The following THRB variants were observed in gnomAD, a reference collection of about 807,000 sequenced individuals.
THRB encodes the protein thyroid hormone receptor beta, also known as nuclear receptor subfamily 1 group A member 2.
A neutral mutation model predicts 47.8 loss-of-function variants in THRB; 12 were observed. The ratio of observed to expected loss-of-function variants is 0.25; its 90% CI spans 0.16 to 0.41. The LOEUF is 0.41. Ranked by LOEUF, THRB falls within the 10% of genes least tolerant of loss-of-function variation. The probability of loss-of-function intolerance (pLI) is 1.00; values close to 1 mark genes in which losing one functional copy is unlikely to be tolerated. For missense variants in THRB, 348 were observed against 589.2 expected, an observed-to-expected ratio of 0.59 and a Z score of 4.24; for synonymous variants, 218 against 212.2, an observed-to-expected ratio of 1.03 and a Z score of -0.24.
intron 1 of THRB, among the ~76,000 whole-genome samples, chr3:24,375,204 C>T (rs552957537): frequency 3.8e-4 from 57 of 151,432 alleles, no homozygotes; most frequent in Admixed American, 1.5e-3. Flanking sequence ...TTTAAAGCAG[C>T]ATACACTATC....
At chr3:24,169,420 A>G (rs1371503889) in intron 5 of THRB, among the ~76,000 whole-genome samples, 1 of 152,110 alleles carries the variant, frequency 6.6e-6, no homozygotes, top group Non-Finnish European at 1.5e-5. Flanking sequence ...GGGATTACGG[A>G]AGAATGATCT....
intron 5 of THRB, among the ~76,000 whole-genome samples, chr3:24,180,048 T>C (rs75251920): frequency 3.4e-3 from 525 of 152,306 alleles, no homozygotes; most frequent in African/African-American, 0.012. Flanking sequence ...CCCATTCAAT[T>C]GAAATTGCTG....
chr3:24,225,492 C>T (rs1227246153), intron 4 of THRB, among the ~76,000 whole-genome samples: 4 of 152,194 alleles, frequency 2.6e-5, no homozygotes, highest in Non-Finnish European at 5.9e-5. Flanking sequence ...TCAATGAAAA[C>T]GTCAAGTACT....
intron 1 of THRB, among the ~76,000 whole-genome samples, chr3:24,443,145 A>C (rs2071718821): frequency 6.6e-6 from 1 of 152,162 alleles, no homozygotes; most frequent in Admixed American, 6.5e-5. Flanking sequence ...TCACACCAGC[A>C]CTCCAGCCTG....
intron 3 of THRB, among the ~76,000 whole-genome samples, chr3:24,288,435 T>A (rs1286141132): frequency 6.6e-6 from 1 of 152,240 alleles, no homozygotes. Context: ...AGAACTAGGT[T>A]CTGCAGGATT....
At chr3:24,188,004 C>T (rs2042822556) in intron 5 of THRB, among the ~76,000 whole-genome samples, 1 of 151,936 alleles carries the variant, frequency 6.6e-6, no homozygotes, top group Admixed American at 6.6e-5. Flanking sequence ...TAGCTGTTTT[C>T]CTGTTAATAT....
chr3:24,366,621 C>A, intron 1 of THRB, among the ~76,000 whole-genome samples: 1 of 125,820 alleles, frequency 7.9e-6, no homozygotes, highest in South Asian at 2.6e-4. Flanking sequence ...CAGCCTCTCA[C>A]TTTTTTTTTT....
At chr3:24,469,425 T>A (rs570454194) in intron 1 of THRB, among the ~76,000 whole-genome samples, 68 of 152,330 alleles carry the variant, frequency 4.5e-4, no homozygotes, top group African/African-American at 1.6e-3. Flanking sequence ...GCCTTTAGCA[T>A]CACCATTAGC....
At chr3:24,478,849 A>G (rs967833736) in intron 1 of THRB, among the ~76,000 whole-genome samples, 1 of 152,208 alleles carries the variant, frequency 6.6e-6, no homozygotes, top group Admixed American at 6.5e-5. Flanking sequence ...AGGTAGAACT[A>G]AAGTCTAAAC....
chr3:24,164,977 C>A, intron 5 of THRB: 1 of 670,256 alleles, frequency 1.5e-6, no homozygotes, highest in Non-Finnish European at 2.7e-6. Context: ...TAAAATGAAA[C>A]GAAAACAAAC....
intron 5 of THRB, among the ~76,000 whole-genome samples, chr3:24,177,569 T>C (rs1225886565): frequency 6.6e-6 from 1 of 152,202 alleles, no homozygotes; most frequent in East Asian, 1.9e-4. Flanking sequence ...TGAATACTTG[T>C]ACAAAATTTC....
At chr3:24,251,806 T>C (rs1255699424) in intron 3 of THRB, among the ~76,000 whole-genome samples, 1 of 152,092 alleles carries the variant, frequency 6.6e-6, no homozygotes. Flanking sequence ...CTTCCTCAAT[T>C]ACTTTTGTAA....
rs374284904 is a variant in THRB, at chr3:24,123,169, G to A, written c.1145-44C>T. The A allele has an allele frequency of 3.1e-6, 5 of 1,612,262 alleles. No individual in the cohort carries two copies. In the African/African-American group the frequency reaches 4.0e-5, roughly 13 times the overall value. ...ATGGACATTGATTCAGAGATGGAAG[G>A]GGGAAGGCTTGCTTTGTCCAATTCC... On this transcript the variant is annotated intron_variant, in intron 10 of 10. Coordinates refer to ENST00000646209, the MANE Select transcript of THRB (RefSeq NM_001354712.2).
chr3:24,187,567 A>G (rs13067380), intron 5 of THRB, among the ~76,000 whole-genome samples: 27,812 of 152,126 alleles, frequency 0.18, 2,683 homozygotes, highest in Non-Finnish European at 0.2. Context: ...ATGCTTGGAC[A>G]TCAAGGGCAA....
intron 3 of THRB, among the ~76,000 whole-genome samples, chr3:24,268,199 A>G (rs2052860912): frequency 6.6e-6 from 1 of 152,062 alleles, no homozygotes; most frequent in East Asian, 1.9e-4. Flanking sequence ...CCCCTCAGTG[A>G]TTCTTGAAAA....
intron 3 of THRB, among the ~76,000 whole-genome samples, chr3:24,269,382 C>T (rs1019809448): frequency 1.9e-5 from 2 of 106,576 alleles, no homozygotes; most frequent in African/African-American, 3.8e-5. Flanking sequence ...CTCATCATAG[C>T]TCACACGCGC....
intron 3 of THRB, among the ~76,000 whole-genome samples, chr3:24,243,471 C>A (rs181472086): frequency 1.3e-5 from 2 of 151,970 alleles, no homozygotes; most frequent in Non-Finnish European, 2.9e-5. Flanking sequence ...GGGCCTTTTG[C>A]GTCAGGATTT....
intron 8 of THRB, among the ~76,000 whole-genome samples, chr3:24,135,846 T>TAA (rs72016386): frequency 6.3e-4 from 76 of 121,168 alleles, no homozygotes; most frequent in African/African-American, 1.9e-3. Context: ...TATATATATA[T>TAA]AATACATAAA....
chr3:24,413,855 T>A (rs1156722903), intron 1 of THRB, among the ~76,000 whole-genome samples: 1 of 151,808 alleles, frequency 6.6e-6, no homozygotes, highest in African/African-American at 2.4e-5. Context: ...TGAGTTCATA[T>A]CCTTTGTATG....
Sources: allele counts gnomAD v4.1 joint callset (sites outside exome capture counted in the v4.1 genomes callset), GRCh38; gene constraint gnomAD v4.1.1; transcripts MANE v1.5; gene names NCBI Gene and HGNC (gene_info 2026-07-23, HGNC 2026-07-21).